CNTN4: variants seen among roughly 807,000 people sequenced by gnomAD.
The protein encoded by CNTN4 is contactin-4.
Under a neutral mutation model 122.5 loss-of-function variants are expected in CNTN4, and 77 were observed. The observed-to-expected ratio is 0.63, with a 90% CI of 0.52 to 0.76. The LOEUF (loss-of-function observed/expected upper bound fraction) is 0.76, where lower values mean the gene tolerates loss of function less well. Ranked by LOEUF, CNTN4 falls within the 30% of genes least tolerant of loss-of-function variation. The pLI is 0.00. For missense variants in CNTN4, 1,256 were observed against 1,259.1 expected (o/e 1.00, Z 0.04); for synonymous variants, 512 against 447.0 (o/e 1.15, Z -1.83).
At chr3:2,616,740 A>G (rs1306137013) in intron 4 of CNTN4, among the ~76,000 whole-genome samples, 1 of 152,200 alleles carries the variant, frequency 6.6e-6, no homozygotes, top group Non-Finnish European at 1.5e-5. Context: ...ACTTCGAACT[A>G]TACTACAAAG....
chr3:2,456,385 C>G (rs2049001353), intron 3 of CNTN4, among the ~76,000 whole-genome samples: 1 of 152,086 alleles, frequency 6.6e-6, no homozygotes, highest in African/African-American at 2.4e-5. Context: ...ATAGAACTAG[C>G]CATTTTAAAA....
At chr3:2,345,347 T>C (rs2044363383) in intron 3 of CNTN4, among the ~76,000 whole-genome samples, 1 of 152,190 alleles carries the variant, frequency 6.6e-6, no homozygotes, top group African/African-American at 2.4e-5. Context: ...TCTGGAAATA[T>C]AAGGGATAAT....
At chr3:3,031,712 A>G (rs564565539) in intron 16 of CNTN4, among the ~76,000 whole-genome samples, 4 of 152,340 alleles carry the variant, frequency 2.6e-5, no homozygotes, top group African/African-American at 9.6e-5. Context: ...TAACCAGTGT[A>G]CATACCAGAA....
At chr3:2,300,409 A>G (rs2042461597) in intron 2 of CNTN4, among the ~76,000 whole-genome samples, 1 of 152,126 alleles carries the variant, frequency 6.6e-6, no homozygotes, top group African/African-American at 2.4e-5. Context: ...ATCTTAAGCA[A>G]TACTTTTTCC....
At chr3:2,764,070 G>T (rs1430087062) in intron 6 of CNTN4, among the ~76,000 whole-genome samples, 3 of 152,130 alleles carry the variant, frequency 2.0e-5, no homozygotes. Context: ...TTCAAGTGAG[G>T]AGAAAACATA....
At chr3:2,251,412 G>A (rs572077779) in intron 2 of CNTN4, among the ~76,000 whole-genome samples, 19 of 151,904 alleles carry the variant, frequency 1.3e-4, no homozygotes, top group African/African-American at 4.6e-4. Context: ...TTGGTTCTGA[G>A]TTTTCTCACC....
At chr3:2,500,301 C>A (rs1220571400) in intron 3 of CNTN4, among the ~76,000 whole-genome samples, 1 of 151,992 alleles carries the variant, frequency 6.6e-6, no homozygotes, top group Non-Finnish European at 1.5e-5. Context: ...CCTTAAAAAT[C>A]CTTATTATAA....
intron 3 of CNTN4, among the ~76,000 whole-genome samples, chr3:2,420,098 C>T (rs1000568102): frequency 6.6e-6 from 1 of 152,160 alleles, no homozygotes; most frequent in Non-Finnish European, 1.5e-5. Context: ...CATTGTGACT[C>T]CCTGCAGCTG....
intron 23 of CNTN4, among the ~76,000 whole-genome samples, chr3:3,049,303 A>C (rs3856842): frequency 6.6e-6 from 1 of 151,968 alleles, no homozygotes; most frequent in Non-Finnish European, 1.5e-5. Flanking sequence ...GGCTGGTCTT[A>C]AACTCCTGAC....
At chr3:2,381,034 C>A (rs1286973432) in intron 3 of CNTN4, among the ~76,000 whole-genome samples, 1 of 150,566 alleles carries the variant, frequency 6.6e-6, no homozygotes, top group South Asian at 2.1e-4. Context: ...GAGACAGAGT[C>A]TTGGTCAGTC....
chr3:2,325,726 G>A (rs138147989), intron 2 of CNTN4, among the ~76,000 whole-genome samples: 96 of 152,302 alleles, frequency 6.3e-4, no homozygotes, highest in African/African-American at 2.1e-3. Flanking sequence ...TTTAAGGGTA[G>A]CGAAAAATGT....
chr3:2,333,460 G>A (rs2043818090), intron 2 of CNTN4, among the ~76,000 whole-genome samples: 1 of 152,214 alleles, frequency 6.6e-6, no homozygotes, highest in Non-Finnish European at 1.5e-5. Flanking sequence ...CACTTCGTGA[G>A]AGCTGTAGGG....
intron 2 of CNTN4, among the ~76,000 whole-genome samples, chr3:2,302,201 C>T (rs539118346): frequency 1.4e-4 from 21 of 152,224 alleles, no homozygotes; most frequent in African/African-American, 2.6e-4. Context: ...GAGGCTGAGG[C>T]GGGTGGTTCA....
intron 2 of CNTN4, among the ~76,000 whole-genome samples, chr3:2,234,215 C>G (rs1282553662): frequency 6.6e-6 from 1 of 151,732 alleles, no homozygotes; most frequent in African/African-American, 2.4e-5. Context: ...CCCGTCTCTA[C>G]TAAAAACACA....
intron 3 of CNTN4, among the ~76,000 whole-genome samples, chr3:2,542,584 G>A (rs1172627425): frequency 6.6e-6 from 1 of 152,082 alleles, no homozygotes; most frequent in African/African-American, 2.4e-5. Context: ...ATGTCAGATC[G>A]AGAGCTCTGG....
At chr3:2,287,684 A>AGAG (rs2041969317) in intron 2 of CNTN4, among the ~76,000 whole-genome samples, 4 of 90,914 alleles carry the variant, frequency 4.4e-5, no homozygotes, top group South Asian at 8.9e-4. Context: ...AAGAAGAAGA[A>AGAG]GAAGAAGAGG....
chr3:2,780,271 G>A (rs1169350495), intron 6 of CNTN4, among the ~76,000 whole-genome samples: 12 of 152,144 alleles, frequency 7.9e-5, no homozygotes, highest in Admixed American at 3.9e-4. Context: ...TTTCTGGTAC[G>A]AGACATTTAG....
intron 13 of CNTN4, among the ~76,000 whole-genome samples, chr3:2,984,954 G>A (rs994056227): frequency 2.0e-5 from 3 of 152,210 alleles, no homozygotes; most frequent in South Asian, 2.1e-4. Flanking sequence ...TATTATTGAG[G>A]TAATTAAGAT....
At chr3:2,815,117 C>T (rs902559922) in intron 6 of CNTN4, among the ~76,000 whole-genome samples, 2 of 152,172 alleles carry the variant, frequency 1.3e-5, no homozygotes, top group African/African-American at 4.8e-5. Context: ...AAACCTAAGA[C>T]CTGAAACTAT....
Sources: allele counts gnomAD v4.1 joint callset (sites outside exome capture counted in the v4.1 genomes callset), GRCh38; gene constraint gnomAD v4.1.1; transcripts MANE v1.5; gene names NCBI Gene and HGNC (gene_info 2026-07-23, HGNC 2026-07-21).